SLX4IP: variants seen among roughly 807,000 people sequenced by gnomAD.
SLX4IP encodes the protein protein SLX4IP.
Under a neutral mutation model 32.9 loss-of-function variants are expected in SLX4IP, and 34 were observed. The observed-to-expected ratio is 1.03, with a 90% CI of 0.79 to 1.38. SLX4IP has a LOEUF of 1.38. Ranked by LOEUF, SLX4IP falls within the 40% of genes most tolerant of loss-of-function variation. SLX4IP has a pLI of 0.00. For synonymous variants in SLX4IP, 172 were observed against 171.7 expected, an observed-to-expected ratio of 1.00 and a Z score of -0.01; for missense variants, 444 against 479.0, an observed-to-expected ratio of 0.93 and a Z score of 0.68.
At chr20:10,609,392 A>G (rs1345947554) in intron 6 of SLX4IP, among the ~76,000 whole-genome samples, 2 of 152,306 alleles carry the variant, frequency 1.3e-5, no homozygotes, top group South Asian at 2.1e-4. Flanking sequence ...AGCTGTTACT[A>G]TCATGAGCTC....
intron 2 of SLX4IP, among the ~76,000 whole-genome samples, chr20:10,519,349 C>T (rs974436190): frequency 1.3e-5 from 2 of 152,152 alleles, no homozygotes; most frequent in Admixed American, 1.3e-4. Flanking sequence ...ACCCCATACT[C>T]GTCAGCAGTC....
intron 6 of SLX4IP, among the ~76,000 whole-genome samples, chr20:10,619,131 A>G (rs1021416412): frequency 1.8e-4 from 28 of 152,030 alleles, no homozygotes; most frequent in African/African-American, 6.8e-4. Flanking sequence ...TCCTTCAACA[A>G]ATTGCCAAAT....
rs912903497 is a variant in SLX4IP at position 10,626,537 on chromosome 20, G to A, written c.*3158G>A. ...CTTTGAATTTCCTAACTTTCTCAGC[G>A]GCATAGATTCTAAGCCACTTCCATG... On this transcript the variant is annotated 3_prime_UTR_variant, in exon 8 of 8. Transcript: ENST00000334534. 2 of 152,084 alleles carry A rather than the reference G, an allele frequency of 1.3e-5. No individual in the cohort carries two copies. Among genetic ancestry groups the A allele is most frequent in the Admixed American group, 6.5e-5 (1 of 15,270 alleles). The allele number at this position is 152,084 out of a possible 1,614,324, so 9.4% of individuals were successfully genotyped here.
intron 6 of SLX4IP, among the ~76,000 whole-genome samples, chr20:10,606,779 G>C (rs1478119761): frequency 6.6e-6 from 1 of 152,030 alleles, no homozygotes; most frequent in Non-Finnish European, 1.5e-5. Flanking sequence ...ATAAACTGAG[G>C]TCCGTGTGTA....
intron 7 of SLX4IP, 135 bp downstream of exon 7, chr20:10,621,549 C>A: frequency 1.4e-6 from 1 of 718,446 alleles, no homozygotes. Context: ...ACTCTCCCCT[C>A]CCTCCTGACT....
chr20:10,447,936 C>A (rs1463173852), intron 1 of SLX4IP, among the ~76,000 whole-genome samples: 1 of 149,678 alleles, frequency 6.7e-6, no homozygotes, highest in Non-Finnish European at 1.5e-5. Context: ...AACTCCTGGG[C>A]TCAAGCAGTC....
intron 4 of SLX4IP, among the ~76,000 whole-genome samples, chr20:10,581,454 G>T (rs1035838075): frequency 3.2e-4 from 48 of 152,172 alleles, no homozygotes; most frequent in African/African-American, 1.1e-3. Context: ...GAACGTGCCT[G>T]AGTTTGAACA....
At chr20:10,558,515 T>C (rs2122499555) in intron 3 of SLX4IP, among the ~76,000 whole-genome samples, 1 of 152,342 alleles carries the variant, frequency 6.6e-6, no homozygotes, top group Non-Finnish European at 1.5e-5. Flanking sequence ...ATTGGGATTT[T>C]ATGAGCAACC....
intron 1 of SLX4IP, among the ~76,000 whole-genome samples, chr20:10,436,207 A>C (rs1321958922): frequency 2.0e-5 from 3 of 152,120 alleles, no homozygotes; most frequent in Non-Finnish European, 4.4e-5. Context: ...CATTTCACCT[A>C]CCACCAGCAT....
intron 2 of SLX4IP, among the ~76,000 whole-genome samples, chr20:10,535,816 G>T (rs1356784669): frequency 6.6e-6 from 1 of 152,162 alleles, no homozygotes; most frequent in Non-Finnish European, 1.5e-5. Flanking sequence ...CTAAAAACAA[G>T]TTCTTTCCTT....
chr20:10,559,622 A>G (rs2066308548), intron 3 of SLX4IP, among the ~76,000 whole-genome samples: 1 of 152,148 alleles, frequency 6.6e-6, no homozygotes, highest in South Asian at 2.1e-4. Flanking sequence ...TTAGGTCACA[A>G]TTTCCTGTTA....
chr20:10,614,728 G>A (rs996816941), intron 6 of SLX4IP, among the ~76,000 whole-genome samples: 6 of 152,284 alleles, frequency 3.9e-5, no homozygotes, highest in Middle Eastern at 3.4e-3. Context: ...ACCCTGGGGC[G>A]TGGTGTTAAT....
At chr20:10,472,073 C>T (rs1223403188) in intron 2 of SLX4IP, among the ~76,000 whole-genome samples, 2 of 152,214 alleles carry the variant, frequency 1.3e-5, no homozygotes, top group East Asian at 1.9e-4. Flanking sequence ...GAAGGAGCAG[C>T]GTACCTCCAG....
chr20:10,540,750 A>G (rs1269265164), intron 2 of SLX4IP, among the ~76,000 whole-genome samples: 1 of 152,222 alleles, frequency 6.6e-6, no homozygotes, highest in Non-Finnish European at 1.5e-5. Flanking sequence ...AAGTCCTGTG[A>G]CCAATTAACG....
chr20:10,598,573 A>G lies in SLX4IP; in HGVS notation c.239-102A>G. 4.6e-6 allele frequency: 5 copies of G among 1,093,002 alleles called. No individual in the cohort carries two copies. In the South Asian group the frequency reaches 6.5e-5, roughly 14 times the overall value. 67.7% of individuals were successfully genotyped at this position (1,093,002 alleles called of 1,614,324 possible). The stretch of plus-strand genomic sequence containing the variant: ...GTCATCACACTCAGCTTCATTTGCT[A>G]AATAACTATTGAATGTGTCTTTTAT... On this transcript the variant is annotated intron_variant, in intron 4 of 7. Coordinates refer to ENST00000334534, the MANE Select transcript of SLX4IP (RefSeq NM_001009608.3).
At chr20:10,574,873 A>T (rs1042198753) in intron 4 of SLX4IP, among the ~76,000 whole-genome samples, 1 of 152,010 alleles carries the variant, frequency 6.6e-6, no homozygotes, top group Non-Finnish European at 1.5e-5. Context: ...GGGTTTCTCC[A>T]TGTTAGCCAG....
intron 2 of SLX4IP, among the ~76,000 whole-genome samples, chr20:10,463,645 C>G (rs2065356615): frequency 6.6e-6 from 1 of 152,034 alleles, no homozygotes. Context: ...TTAGGCCTGT[C>G]AGGTAGCATG....
intron 4 of SLX4IP, among the ~76,000 whole-genome samples, chr20:10,561,154 G>A (rs532680053): frequency 6.6e-5 from 10 of 152,140 alleles, no homozygotes; most frequent in African/African-American, 9.6e-5. Flanking sequence ...ATTTTGATAC[G>A]TGTATACAAT....
At chr20:10,596,839 A>G (rs2066776241) in intron 4 of SLX4IP, among the ~76,000 whole-genome samples, 1 of 152,188 alleles carries the variant, frequency 6.6e-6, no homozygotes, top group Non-Finnish European at 1.5e-5. Context: ...GAAATAACGT[A>G]TTTGTTTTAA....
Sources: gnomAD v4.1 joint callset for allele counts (sites outside exome capture counted in the v4.1 genomes callset) on GRCh38, gnomAD v4.1.1 for gene constraint, MANE v1.5 for transcripts, NCBI Gene and HGNC (gene_info 2026-07-23, HGNC 2026-07-21) for gene names.